The following SLC35F3 variants were observed in gnomAD, a reference collection of about 807,000 sequenced individuals.
SLC35F3 encodes solute carrier family 35 member F3.
A neutral mutation model predicts 49.9 loss-of-function variants in SLC35F3; 25 were observed. That is an observed-to-expected ratio of 0.50 (90% CI 0.37 to 0.70). The LOEUF (loss-of-function observed/expected upper bound fraction) is 0.70. Among genes scored for constraint, SLC35F3 ranks in the 30% least tolerant of loss-of-function variants. The pLI, the probability that SLC35F3 is intolerant of heterozygous loss-of-function variation, is 0.00. For missense variants in SLC35F3, 525 were observed against 639.8 expected, an observed-to-expected ratio of 0.82 and a Z score of 1.94; for synonymous variants, 275 against 265.4, an observed-to-expected ratio of 1.04 and a Z score of -0.35.
chr1:234,098,417 T>C (rs1232793089), intron 2 of SLC35F3, among the ~76,000 whole-genome samples: 1 of 146,940 alleles, frequency 6.8e-6, no homozygotes, highest in African/African-American at 2.6e-5. Context: ...ATTGTGTTGG[T>C]GGTGGTGGTG....
intron 2 of SLC35F3, among the ~76,000 whole-genome samples, chr1:234,183,160 A>T (rs890654505): frequency 3.5e-5 from 5 of 142,228 alleles, no homozygotes; most frequent in Non-Finnish European, 7.5e-5. Flanking sequence ...GAGATTACAG[A>T]TGCACACCAC....
At chr1:233,905,954 C>T (rs1247202191) in intron 2 of SLC35F3, among the ~76,000 whole-genome samples, 196 bp downstream of exon 2, 2 of 152,232 alleles carry the variant, frequency 1.3e-5, no homozygotes, top group African/African-American at 4.8e-5. Context: ...CGTTCTGATG[C>T]GTTCTCTTAC....
chr1:234,165,941 ACATG>A (rs1158369394), intron 2 of SLC35F3, among the ~76,000 whole-genome samples: 6 of 152,166 alleles, frequency 3.9e-5, no homozygotes, highest in Admixed American at 1.3e-4. Context: ...GTAAGTGAGA[ACATG>A]CGGTATTTGG....
At chr1:234,313,537 C>T (rs1433528276) in intron 4 of SLC35F3, among the ~76,000 whole-genome samples, 1 of 152,188 alleles carries the variant, frequency 6.6e-6, no homozygotes, top group Non-Finnish European at 1.5e-5. Context: ...GGCTCTTACC[C>T]ATCTCGGTCT....
Position 234,146,644 on chromosome 1 carries a change from AGCTGGGATTACAG to A in SLC35F3, c.284-84770_284-84758del, listed in dbSNP as rs532273775. 2.8e-3 allele frequency among the ~76,000 whole-genome samples: 421 copies of A among 151,868 alleles called. 3 individuals carry two copies. Among genetic ancestry groups the A allele is most frequent in the African/African-American group, 9.8e-3 (406 of 41,422 alleles). On this transcript the variant is annotated intron_variant, in intron 2 of 7. Transcript: ENST00000366618. ...ATTCTCCTGCCTCAGCCTCCCAAGT[AGCTGGGATTACAG>A]GCATGTGCCACCACGCCTGGCTAAT...
intron 2 of SLC35F3, among the ~76,000 whole-genome samples, chr1:233,911,403 A>C (rs1661871105): frequency 6.6e-6 from 1 of 152,210 alleles, no homozygotes. Flanking sequence ...AGATTTTAAA[A>C]GAAAAGAGTT....
At chr1:234,068,693 A>C (rs944594291) in intron 2 of SLC35F3, among the ~76,000 whole-genome samples, 1 of 151,346 alleles carries the variant, frequency 6.6e-6, no homozygotes, top group Non-Finnish European at 1.5e-5. Context: ...GCATGTGTGC[A>C]TGCAGTAAGA....
chr1:234,080,139 A>G (rs1318492314), intron 2 of SLC35F3, among the ~76,000 whole-genome samples: 2 of 152,152 alleles, frequency 1.3e-5, no homozygotes, highest in African/African-American at 4.8e-5. Context: ...CGTTCACTTA[A>G]TCACCCATGG....
At chr1:233,905,438 T>A (rs1004856658) in intron 1 of SLC35F3, 91 bp from the exon 2 acceptor site, 1 of 1,010,324 alleles carries the variant, frequency 9.9e-7, no homozygotes, top group Non-Finnish European at 1.4e-6. Context: ...GCGCTCTTGC[T>A]CTCGCCCTGG....
chr1:234,227,392 C>CTTTT lies in SLC35F3; in HGVS notation c.284-4004_284-4001dup. 7.3e-3 allele frequency among the ~76,000 whole-genome samples: 797 copies of CTTTT among 108,566 alleles called. 1 individual carries two copies. Among genetic ancestry groups the CTTTT allele is most frequent in the Non-Finnish European group, 0.013 (656 of 50,132 alleles). 71.2% of individuals were successfully genotyped at this position (108,566 alleles called of 152,430 possible). ...TCCTTGAGGCACTGCCTCTTTCTTT[C>CTTTT]TTTTTTTTTTTTTTTTTTTTTTTTG... On this transcript the variant is annotated intron_variant, in intron 2 of 7. Coordinates refer to ENST00000366618, the MANE Select transcript of SLC35F3 (RefSeq NM_173508.4).
intron 2 of SLC35F3, among the ~76,000 whole-genome samples, chr1:233,936,812 C>G (rs988167111): frequency 6.6e-6 from 1 of 152,054 alleles, no homozygotes; most frequent in Non-Finnish European, 1.5e-5. Flanking sequence ...CCTCAGCTTC[C>G]CAAGTACCTG....
intron 2 of SLC35F3, among the ~76,000 whole-genome samples, chr1:233,937,693 CAA>C (rs1662356796): frequency 6.6e-6 from 1 of 152,102 alleles, no homozygotes; most frequent in Non-Finnish European, 1.5e-5. Flanking sequence ...TACTCTGAAA[CAA>C]AACGGAGAAG....
At chr1:234,273,921 C>T (rs988591773) in intron 3 of SLC35F3, among the ~76,000 whole-genome samples, 2 of 152,174 alleles carry the variant, frequency 1.3e-5, no homozygotes, top group African/African-American at 4.8e-5. Flanking sequence ...GGACCGCATA[C>T]TCATTACATG....
intron 2 of SLC35F3, among the ~76,000 whole-genome samples, chr1:234,228,661 C>A (rs1667322943): frequency 6.6e-6 from 1 of 152,050 alleles, no homozygotes; most frequent in Non-Finnish European, 1.5e-5. Context: ...CAGTGTGATC[C>A]CAATTTTTCA....
At chr1:234,305,583 C>A (rs1657146739) in intron 3 of SLC35F3, among the ~76,000 whole-genome samples, 1 of 152,030 alleles carries the variant, frequency 6.6e-6, no homozygotes, top group Admixed American at 6.6e-5. Flanking sequence ...TGGGGTTTCA[C>A]CATGTTGGTC....
At chr1:234,092,862 T>C (rs990718853) in intron 2 of SLC35F3, among the ~76,000 whole-genome samples, 42 of 152,268 alleles carry the variant, frequency 2.8e-4, no homozygotes, top group African/African-American at 1.0e-3. Flanking sequence ...AGCAAGACCC[T>C]GTCTCTAAAA....
chr1:234,170,807 C>G (rs77513965), intron 2 of SLC35F3, among the ~76,000 whole-genome samples: 12,542 of 152,008 alleles, frequency 0.083, 1,679 homozygotes, highest in African/African-American at 0.28. Flanking sequence ...AAGTACTTAA[C>G]GGTTGCACGA....
chr1:234,025,184 G>A (rs1334507154), intron 2 of SLC35F3, among the ~76,000 whole-genome samples: 1 of 152,250 alleles, frequency 6.6e-6, no homozygotes, highest in Non-Finnish European at 1.5e-5. Flanking sequence ...ACTCCATGGT[G>A]TGTATGTACC....
intron 2 of SLC35F3, among the ~76,000 whole-genome samples, chr1:234,157,585 C>T (rs1258852184): frequency 6.6e-6 from 1 of 152,084 alleles, no homozygotes; most frequent in African/African-American, 2.4e-5. Flanking sequence ...TGTTTTCTCT[C>T]GGGAAAGATT....
Sources: gnomAD v4.1 joint callset for allele counts (sites outside exome capture counted in the v4.1 genomes callset) on GRCh38, gnomAD v4.1.1 for gene constraint, MANE v1.5 for transcripts, NCBI Gene and HGNC (gene_info 2026-07-23, HGNC 2026-07-21) for gene names.